Variants in CBFA2T2 observed in about 807,000 individuals in gnomAD.
CBFA2T2 encodes protein CBFA2T2.
CBFA2T2 carries 11 observed loss-of-function variants against 62.2 expected under a neutral mutation model. That is an observed-to-expected ratio of 0.18 (90% CI 0.11 to 0.29). The LOEUF is 0.29. Among genes scored for constraint, CBFA2T2 ranks in the 10% least tolerant of loss-of-function variants. The pLI is 1.00. For missense variants in CBFA2T2, 592 were observed against 774.1 expected (o/e 0.76, Z 2.79); for synonymous variants, 295 against 287.5 (o/e 1.03, Z -0.27).
chr20:33,612,290 A>G (rs1013003671), intron 3 of CBFA2T2, among the ~76,000 whole-genome samples: 1 of 152,144 alleles, frequency 6.6e-6, no homozygotes, highest in Non-Finnish European at 1.5e-5. Flanking sequence ...CCAGTTCCCA[A>G]TGTTTCTAAT....
At chr20:33,524,872 T>G (rs1218490594) in intron 1 of CBFA2T2, among the ~76,000 whole-genome samples, 1 of 152,258 alleles carries the variant, frequency 6.6e-6, no homozygotes, top group African/African-American at 2.4e-5. Context: ...CTCACTGTGT[T>G]GCCCAGGCAT....
At chr20:33,547,400 A>T (rs940101890) in intron 1 of CBFA2T2, among the ~76,000 whole-genome samples, 2 of 151,724 alleles carry the variant, frequency 1.3e-5, no homozygotes, top group South Asian at 2.1e-4. Context: ...TAAAAAATTT[A>T]AAAATAAAAA....
chr20:33,534,010 A>G (rs892919903), intron 1 of CBFA2T2, among the ~76,000 whole-genome samples: 1 of 152,118 alleles, frequency 6.6e-6, no homozygotes, highest in Non-Finnish European at 1.5e-5. Context: ...AACAACAGCA[A>G]CAACAAATAG....
At chr20:33,575,800 CAG>C (rs1259590840) in intron 1 of CBFA2T2, among the ~76,000 whole-genome samples, 2 of 152,084 alleles carry the variant, frequency 1.3e-5, no homozygotes, top group East Asian at 1.9e-4. Context: ...TTTTTTGAGA[CAG>C]AGTCTCAGTC....
At chr20:33,556,983 C>G (rs1010021730) in intron 1 of CBFA2T2, among the ~76,000 whole-genome samples, 1 of 148,422 alleles carries the variant, frequency 6.7e-6, no homozygotes, top group South Asian at 2.1e-4. Context: ...TACTTTCTTG[C>G]CCAAGGTGTT....
chr20:33,593,682 C>T (rs1479823786), intron 1 of CBFA2T2, among the ~76,000 whole-genome samples: 2 of 152,146 alleles, frequency 1.3e-5, no homozygotes, highest in African/African-American at 4.8e-5. Flanking sequence ...CATGAGCCAA[C>T]ACGCCCAACC....
intron 8 of CBFA2T2, among the ~76,000 whole-genome samples, chr20:33,634,032 A>G (rs1026559498): frequency 2.6e-5 from 4 of 152,092 alleles, no homozygotes; most frequent in South Asian, 2.1e-4. Context: ...ACAGTGGTGC[A>G]GTCTCGGCTC....
At chr20:33,493,296 G>A (rs6059350) in intron 1 of CBFA2T2, among the ~76,000 whole-genome samples, 14 of 151,772 alleles carry the variant, frequency 9.2e-5, no homozygotes, top group African/African-American at 3.4e-4. Flanking sequence ...GGCTGGTCTC[G>A]AACGCCTGAC....
At chr20:33,629,056 A>G (rs776049161) in intron 7 of CBFA2T2, among the ~76,000 whole-genome samples, 25 of 152,236 alleles carry the variant, frequency 1.6e-4, no homozygotes, top group Non-Finnish European at 3.2e-4. Flanking sequence ...TCTTAAGCCC[A>G]GGAGCCAAGA....
chr20:33,534,939 C>CA (rs1301353683), intron 1 of CBFA2T2, among the ~76,000 whole-genome samples: 1 of 151,968 alleles, frequency 6.6e-6, no homozygotes, highest in Non-Finnish European at 1.5e-5. Context: ...CAAAAATTAC[C>CA]AAAATGTGAT....
intron 1 of CBFA2T2, among the ~76,000 whole-genome samples, chr20:33,518,539 G>A (rs1241936726): frequency 6.6e-6 from 1 of 150,914 alleles, no homozygotes; most frequent in Non-Finnish European, 1.5e-5. Context: ...GAGGCGAGTG[G>A]ATCACCTGAG....
intron 1 of CBFA2T2, among the ~76,000 whole-genome samples, chr20:33,603,113 T>TA (rs2122277107): frequency 6.6e-6 from 1 of 152,316 alleles, no homozygotes; most frequent in Admixed American, 6.5e-5. Flanking sequence ...TGACTGTAGG[T>TA]AACTGAAACC....
At chr20:33,617,145 C>T (rs572629253) in intron 3 of CBFA2T2, among the ~76,000 whole-genome samples, 77 of 152,054 alleles carry the variant, frequency 5.1e-4, no homozygotes, top group African/African-American at 1.5e-3. Flanking sequence ...CCAAGGTGGG[C>T]GGATCACGAG....
At chr20:33,615,204 T>C (rs1418228708) in intron 3 of CBFA2T2, among the ~76,000 whole-genome samples, 3 of 152,162 alleles carry the variant, frequency 2.0e-5, no homozygotes, top group Non-Finnish European at 4.4e-5. Context: ...GCTGGAGTTA[T>C]CCATCTGCAT....
chr20:33,584,855 A>T (rs1048247617), intron 1 of CBFA2T2, among the ~76,000 whole-genome samples: 1 of 152,206 alleles, frequency 6.6e-6, no homozygotes, highest in Non-Finnish European at 1.5e-5. Context: ...ATACCAAAAC[A>T]TGATATCCTT....
At chr20:33,521,181 A>G (rs75071815) in intron 1 of CBFA2T2, among the ~76,000 whole-genome samples, 126 of 152,290 alleles carry the variant, frequency 8.3e-4, no homozygotes, top group African/African-American at 3.0e-3. Flanking sequence ...TATTCTGTTT[A>G]TTTAGCACTA....
chr20:33,575,918 C>T (rs1005848233), intron 1 of CBFA2T2, among the ~76,000 whole-genome samples: 1 of 151,956 alleles, frequency 6.6e-6, no homozygotes, highest in Non-Finnish European at 1.5e-5. Context: ...GCTGGGACTA[C>T]AGGCGCCAGC....
intron 1 of CBFA2T2, among the ~76,000 whole-genome samples, chr20:33,517,081 T>C (rs549469534): frequency 8.5e-5 from 13 of 152,350 alleles, no homozygotes; most frequent in African/African-American, 2.9e-4. Flanking sequence ...CCAAGCACCA[T>C]TCACATCCTT....
rs1213828764 is a variant in CBFA2T2, at chr20:33,500,997, A to G, written c.34+10696A>G. On this transcript the variant is annotated intron_variant, in intron 1 of 10. Coordinates refer to ENST00000342704, the MANE Select transcript of CBFA2T2 (RefSeq NM_001032999.3). ...AGCTGTCAAATATGGATCATCAAAT[A>G]TAGTATATAGACTATGCAATGAAGC... Among the ~76,000 whole-genome samples the G allele has an allele frequency of 2.6e-5, 4 of 152,326 alleles. No individual in the cohort carries two copies. In the South Asian group the frequency reaches 8.3e-4, roughly 32 times the overall value.
Sources: gnomAD v4.1 joint callset for allele counts (sites outside exome capture counted in the v4.1 genomes callset) on GRCh38, gnomAD v4.1.1 for gene constraint, MANE v1.5 for transcripts, NCBI Gene and HGNC (gene_info 2026-07-23, HGNC 2026-07-21) for gene names.